HSD17B12: variants seen among roughly 807,000 people sequenced by gnomAD.
The protein encoded by HSD17B12 is hydroxysteroid 17-beta dehydrogenase 12.
Under a neutral mutation model 39.3 loss-of-function variants are expected in HSD17B12, and 32 were observed. The observed-to-expected ratio is 0.81, with a 90% CI of 0.61 to 1.09. HSD17B12 has a LOEUF of 1.09. HSD17B12 is among the 50% of genes least tolerant of loss of function. The pLI is 0.00. For missense variants in HSD17B12, 342 were observed against 382.9 expected (o/e 0.89, Z 0.89); for synonymous variants, 150 against 146.7 (o/e 1.02, Z -0.16).
At chr11:43,571,736 C>A in the HSD17B12 span, among the ~76,000 whole-genome samples, 19 of 152,286 alleles carry the variant, frequency 1.2e-4, no homozygotes, top group South Asian at 6.2e-4. Context: ...GGTGGAATTA[C>A]AGTCACTTTC....
At chr11:43,664,990 C>T in the HSD17B12 span, among the ~76,000 whole-genome samples, 1 of 152,106 alleles carries the variant, frequency 6.6e-6, no homozygotes, top group South Asian at 2.1e-4. Flanking sequence ...TTTTGGTCTT[C>T]CTGCAAATCC....
chr11:43,788,740 TA>T (rs995743790), intron 3 of HSD17B12, among the ~76,000 whole-genome samples: 8 of 143,580 alleles, frequency 5.6e-5, no homozygotes, highest in Admixed American at 5.5e-4. Flanking sequence ...CCCAGTTTAA[TA>T]ACCTCTCCTA....
chr11:43,850,683 C>A (rs981556695), intron 9 of HSD17B12, among the ~76,000 whole-genome samples: 1 of 152,212 alleles, frequency 6.6e-6, no homozygotes, highest in Non-Finnish European at 1.5e-5. Flanking sequence ...TGGCCATAAG[C>A]CTTCCTCTTC....
the HSD17B12 span, among the ~76,000 whole-genome samples, chr11:43,616,127 G>C: frequency 2.6e-5 from 4 of 152,162 alleles, no homozygotes; most frequent in African/African-American, 9.6e-5. Context: ...TATTCAGCAG[G>C]CTGGGCATGG....
the HSD17B12 span, among the ~76,000 whole-genome samples, chr11:43,581,086 AGGCAGGCGG>A: frequency 1.3e-5 from 2 of 152,240 alleles, no homozygotes; most frequent in African/African-American, 4.8e-5. This position sits in a 1 kb window ranked among gnomAD's most constrained non-coding sequence, Gnocchi z 4.9. Context: ...GGGATAGGAC[AGGCAGGCGG>A]GGAGGCTCCG....
intron 4 of HSD17B12, among the ~76,000 whole-genome samples, chr11:43,810,506 T>C (rs556337769): frequency 6.6e-6 from 1 of 152,152 alleles, no homozygotes; most frequent in East Asian, 1.9e-4. Context: ...AGAGCGTAGC[T>C]AAGCATGGCC....
intron 3 of HSD17B12, among the ~76,000 whole-genome samples, chr11:43,765,101 C>G (rs1180539106): frequency 1.3e-5 from 2 of 151,750 alleles, no homozygotes. Context: ...TATTTACATA[C>G]ATATTAACAT....
chr11:43,620,404 C>A, the HSD17B12 span, among the ~76,000 whole-genome samples: 2 of 152,130 alleles, frequency 1.3e-5, no homozygotes, highest in Non-Finnish European at 2.9e-5. Flanking sequence ...ACTTCAGAGT[C>A]CGATCTCTTA....
intron 4 of HSD17B12, among the ~76,000 whole-genome samples, chr11:43,808,792 G>T (rs983000798): frequency 1.3e-5 from 2 of 152,162 alleles, no homozygotes; most frequent in African/African-American, 2.4e-5. Context: ...CTTTTATTTG[G>T]AAATTGCTAC....
the HSD17B12 span, among the ~76,000 whole-genome samples, chr11:43,636,174 G>A: frequency 2.0e-5 from 3 of 152,224 alleles, no homozygotes; most frequent in Non-Finnish European, 2.9e-5. Context: ...AATTTTAAAT[G>A]GGCTCATTTT....
the HSD17B12 span, among the ~76,000 whole-genome samples, chr11:43,629,515 G>A: frequency 7.9e-5 from 12 of 152,298 alleles, no homozygotes; most frequent in East Asian, 1.4e-3. Context: ...GATTGTGGTC[G>A]TAGTCTGGAA....
intron 6 of HSD17B12, chr11:43,829,957 G>A (rs144094914): frequency 2.0e-5 from 3 of 152,164 alleles, no homozygotes; most frequent in African/African-American, 4.8e-5. Flanking sequence ...TATGCCTGAT[G>A]TACATCTGTA....
the HSD17B12 span, among the ~76,000 whole-genome samples, chr11:43,563,107 G>T: frequency 6.6e-6 from 1 of 152,144 alleles, no homozygotes; most frequent in African/African-American, 2.4e-5. Flanking sequence ...TCATCTCCTA[G>T]TGGAGGACAG....
At chr11:43,578,305 C>T in the HSD17B12 span, among the ~76,000 whole-genome samples, 1 of 152,210 alleles carries the variant, frequency 6.6e-6, no homozygotes, top group East Asian at 1.9e-4. Flanking sequence ...CCCTTCCCTT[C>T]TGTCAACAGC....
intron 9 of HSD17B12, among the ~76,000 whole-genome samples, chr11:43,849,229 C>T (rs957798736): frequency 5.9e-5 from 9 of 152,120 alleles, no homozygotes; most frequent in African/African-American, 9.6e-5. Flanking sequence ...GGCTTGAGCC[C>T]GGGAGGTGGA....
chr11:43,769,525 C>T (rs1950629897), intron 3 of HSD17B12, among the ~76,000 whole-genome samples: 1 of 152,178 alleles, frequency 6.6e-6, no homozygotes, highest in South Asian at 2.1e-4. Context: ...GTTCTCATTC[C>T]ACTTCTAGAT....
chr11:43,681,284 T>G, intron 1 of HSD17B12: 3 of 482,572 alleles, frequency 6.2e-6, no homozygotes, highest in Non-Finnish European at 9.0e-6. Context: ...CTTTAAGCCA[T>G]TCCGTGTTCA....
At chr11:43,747,520 G>A (rs905431691) in intron 1 of HSD17B12, among the ~76,000 whole-genome samples, 7 of 152,160 alleles carry the variant, frequency 4.6e-5, no homozygotes, top group African/African-American at 1.7e-4. Flanking sequence ...GAGGAGGAAA[G>A]CCTCCTAATT....
chr11:43,771,462 C>CTTTTTT (rs34783257), intron 3 of HSD17B12, among the ~76,000 whole-genome samples: 59 of 90,618 alleles, frequency 6.5e-4, no homozygotes, highest in Non-Finnish European at 8.4e-4. Flanking sequence ...GACTCATATT[C>CTTTTTT]TTTTTTTTTT....
Sources: gnomAD v4.1 joint callset for allele counts (sites outside exome capture counted in the v4.1 genomes callset) on GRCh38, gnomAD v4.1.1 for gene constraint, Gnocchi (gnomAD v3.1) non-coding constraint, MANE v1.5 for transcripts, NCBI Gene and HGNC (gene_info 2026-07-23, HGNC 2026-07-21) for gene names.